Variants in LTBP1 observed in about 807,000 individuals in gnomAD.
LTBP1 encodes latent-transforming growth factor beta-binding protein 1.
A neutral mutation model predicts 207.6 loss-of-function variants in LTBP1; 129 were observed. The ratio of observed to expected loss-of-function variants is 0.62; its 90% CI spans 0.54 to 0.72. The LOEUF is 0.72. LTBP1 is among the 30% of genes least tolerant of loss of function. The probability of loss-of-function intolerance (pLI) is 0.00; values close to 1 mark genes in which losing one functional copy is unlikely to be tolerated. For synonymous variants in LTBP1, 963 were observed against 833.7 expected (o/e 1.16, Z -2.67); for missense variants, 2,281 against 2,217.2 (o/e 1.03, Z -0.58).
chr2:32,961,806 C>T (rs1304735548), intron 2 of LTBP1, among the ~76,000 whole-genome samples: 9 of 151,754 alleles, frequency 5.9e-5, no homozygotes, highest in African/African-American at 1.5e-4. Flanking sequence ...ATTAGCCGGG[C>T]GTGGTGGTGG....
intron 6 of LTBP1, 86 bp from the exon 7 acceptor site, chr2:33,188,467 AAATGCTACACATGCATGCATGTTT>A: frequency 2.5e-6 from 2 of 800,420 alleles, no homozygotes; most frequent in South Asian, 3.7e-5. Flanking sequence ...CTATGCAGCA[AAATGCTACACATGCATGCATGTTT>A]ATAAAATTTA....
At chr2:33,367,936 C>T (rs919727367) in intron 31 of LTBP1, among the ~76,000 whole-genome samples, 1 of 152,090 alleles carries the variant, frequency 6.6e-6, no homozygotes, top group Non-Finnish European at 1.5e-5. Flanking sequence ...ATCTTTTGGC[C>T]GTGCGCGGTG....
chr2:33,303,070 A>T (rs1204849880), intron 22 of LTBP1, among the ~76,000 whole-genome samples: 1 of 152,152 alleles, frequency 6.6e-6, no homozygotes, highest in Admixed American at 6.5e-5. Flanking sequence ...TGTATGAAAA[A>T]GTTGTGTTTT....
intron 3 of LTBP1, among the ~76,000 whole-genome samples, chr2:33,050,560 TAGG>T (rs534445990): frequency 3.1e-3 from 466 of 152,120 alleles, no homozygotes; most frequent in African/African-American, 0.011. Flanking sequence ...TTAAAAAAAA[TAGG>T]AGAGGATCCT....
chr2:33,172,907 G>C (rs2085609578), intron 5 of LTBP1, among the ~76,000 whole-genome samples: 1 of 151,984 alleles, frequency 6.6e-6, no homozygotes, highest in Admixed American at 6.5e-5. Flanking sequence ...AATGACTACT[G>C]GGTACATAAC....
At chr2:33,126,354 C>T (rs1246918771) in intron 4 of LTBP1, among the ~76,000 whole-genome samples, 2 of 152,178 alleles carry the variant, frequency 1.3e-5, no homozygotes, top group East Asian at 3.8e-4. Context: ...AGGCATTAGC[C>T]ACCATATCTG....
At chr2:33,083,355 A>G (rs537544193) in intron 3 of LTBP1, among the ~76,000 whole-genome samples, 67 of 152,208 alleles carry the variant, frequency 4.4e-4, no homozygotes, top group African/African-American at 1.4e-3. Context: ...TCATTTCTCA[A>G]AAAATGTGTC....
chr2:33,038,054 G>A (rs1236989094), intron 3 of LTBP1, among the ~76,000 whole-genome samples: 1 of 152,218 alleles, frequency 6.6e-6, no homozygotes, highest in Non-Finnish European at 1.5e-5. Flanking sequence ...CTACAGAGGA[G>A]AGCACTTGTG....
intron 2 of LTBP1, among the ~76,000 whole-genome samples, chr2:33,019,637 T>G (rs1240195320): frequency 1.4e-5 from 2 of 147,830 alleles, no homozygotes; most frequent in Non-Finnish European, 3.0e-5. Flanking sequence ...GCCCAGCCAG[T>G]AGCATCTAAA....
chr2:33,357,299 A>G (rs2149972126), intron 26 of LTBP1, among the ~76,000 whole-genome samples: 1 of 152,234 alleles, frequency 6.6e-6, no homozygotes, highest in East Asian at 1.9e-4. Context: ...GAGCCAGGGG[A>G]CATGATTGCA....
chr2:33,374,591 G>A (rs1216084887), intron 31 of LTBP1, among the ~76,000 whole-genome samples: 2 of 152,162 alleles, frequency 1.3e-5, no homozygotes, highest in African/African-American at 4.8e-5. Flanking sequence ...TGAACTCTTG[G>A]TATCCATGGA....
At chr2:33,096,086 T>C (rs1403721577) in intron 3 of LTBP1, among the ~76,000 whole-genome samples, 9 of 151,928 alleles carry the variant, frequency 5.9e-5, no homozygotes, top group Non-Finnish European at 1.3e-4. Flanking sequence ...CACTGCATAA[T>C]AAAACAACTG....
chr2:33,094,312 T>A (rs559792131), intron 3 of LTBP1, among the ~76,000 whole-genome samples: 11 of 152,308 alleles, frequency 7.2e-5, no homozygotes, highest in East Asian at 3.9e-4. Flanking sequence ...GATACTTTTT[T>A]AAAAAAATTT....
At chr2:33,147,604 AC>A (rs1363294129) in intron 5 of LTBP1, among the ~76,000 whole-genome samples, 1 of 152,172 alleles carries the variant, frequency 6.6e-6, no homozygotes, top group African/African-American at 2.4e-5. Flanking sequence ...AAATATGTTA[AC>A]CTTTTTCAAA....
At chr2:33,191,011 A>C (rs2087807614) in intron 7 of LTBP1, among the ~76,000 whole-genome samples, 1 of 152,200 alleles carries the variant, frequency 6.6e-6, no homozygotes, top group East Asian at 1.9e-4. Context: ...ACAGCTTTGC[A>C]CTGAACTAGT....
chr2:33,271,962 T>C (rs770265037), intron 15 of LTBP1, among the ~76,000 whole-genome samples: 1 of 152,226 alleles, frequency 6.6e-6, no homozygotes, highest in East Asian at 1.9e-4. Context: ...TATAAACAAA[T>C]GTATCTTCCT....
At chr2:33,315,910 C>G (rs1291411475) in intron 24 of LTBP1, among the ~76,000 whole-genome samples, 1 of 152,118 alleles carries the variant, frequency 6.6e-6, no homozygotes, top group Non-Finnish European at 1.5e-5. Context: ...GCACTCCAGC[C>G]TGGGCGACAA....
At chr2:33,223,049 C>G (rs2091219336) in intron 9 of LTBP1, among the ~76,000 whole-genome samples, 1 of 152,140 alleles carries the variant, frequency 6.6e-6, no homozygotes, top group Non-Finnish European at 1.5e-5. Context: ...GATTTGTGTT[C>G]TGAGGCTCTG....
At chr2:33,235,560 C>T (rs1179021990) in intron 9 of LTBP1, among the ~76,000 whole-genome samples, 1 of 152,126 alleles carries the variant, frequency 6.6e-6, no homozygotes, top group Non-Finnish European at 1.5e-5. Context: ...TGGGTATATA[C>T]CCAAAGGATT....
Sources: gnomAD v4.1 joint callset for allele counts (sites outside exome capture counted in the v4.1 genomes callset) on GRCh38, gnomAD v4.1.1 for gene constraint, MANE v1.5 for transcripts, NCBI Gene and HGNC (gene_info 2026-07-23, HGNC 2026-07-21) for gene names.